SLC35F2: variants seen among roughly 807,000 people sequenced by gnomAD.
The protein encoded by SLC35F2 is queuine/queuosine transporter SLC35F2.
In SLC35F2, 25 loss-of-function variants were observed where a neutral mutation model predicts 38.1. The ratio of observed to expected loss-of-function variants is 0.66; its 90% CI spans 0.48 to 0.92. The LOEUF is 0.92. Among genes scored for constraint, SLC35F2 ranks in the 40% least tolerant of loss-of-function variants. The pLI, the probability that SLC35F2 is intolerant of heterozygous loss-of-function variation, is 0.00. For synonymous variants in SLC35F2, 173 were observed against 181.7 expected (o/e 0.95, Z 0.38); for missense variants, 409 against 452.9 (o/e 0.90, Z 0.88).
intron 1 of SLC35F2, chr11:107,840,875 G>C (rs1860004112): frequency 6.6e-6 from 1 of 152,162 alleles, no homozygotes; most frequent in South Asian, 2.1e-4. Flanking sequence ...AAGAAAACAG[G>C]AGTCTGTGAC....
chr11:107,843,216 T>C (rs990346902), intron 1 of SLC35F2, among the ~76,000 whole-genome samples: 1 of 152,140 alleles, frequency 6.6e-6, no homozygotes, highest in Non-Finnish European at 1.5e-5. Context: ...TCTAGGTACA[T>C]GTAAATTCTA....
At position 107,803,168 on chromosome 11, in the gene SLC35F2, A is replaced by C. The variant is rs749158358; in HGVS notation, c.785-13T>G. 2 of 1,591,546 alleles carry C rather than the reference A, an allele frequency of 1.3e-6. No homozygotes were observed. The highest frequency in any genetic ancestry group is 2.3e-5 in the South Asian group (2 of 86,552). On this transcript the variant is annotated splice_polypyrimidine_tract_variant and intron_variant, in intron 6 of 7. Transcript: ENST00000525815. ...ACGAACAGCAGGGCTGTGGAAAAAA[A>C]CATGGAATATCTAATATTAGGGCAA... is the stretch of plus-strand genomic sequence containing the variant.
intron 1 of SLC35F2, among the ~76,000 whole-genome samples, chr11:107,832,545 G>T (rs991152862): frequency 2.6e-5 from 4 of 152,234 alleles, no homozygotes; most frequent in Non-Finnish European, 5.9e-5. Flanking sequence ...GCTCATGCCT[G>T]TAATCCCAGC....
chr11:107,839,723 G>T (rs1275747482), intron 1 of SLC35F2, among the ~76,000 whole-genome samples: 1 of 152,184 alleles, frequency 6.6e-6, no homozygotes, highest in African/African-American at 2.4e-5. Flanking sequence ...GTGCGATCTC[G>T]GCTCATCGCA....
intron 1 of SLC35F2, among the ~76,000 whole-genome samples, chr11:107,820,069 A>G (rs1859643504): frequency 6.6e-6 from 1 of 151,982 alleles, no homozygotes; most frequent in Non-Finnish European, 1.5e-5. Flanking sequence ...CAGCTTGGTC[A>G]ACATGGTGAA....
At chr11:107,841,565 A>C (rs1419575989) in intron 1 of SLC35F2, among the ~76,000 whole-genome samples, 1 of 151,574 alleles carries the variant, frequency 6.6e-6, no homozygotes, top group Non-Finnish European at 1.5e-5. Context: ...ACTCAAAAAA[A>C]AAAAAAAAAA....
Position 107,806,821 on chromosome 11 carries a change from T to G in SLC35F2, c.470A>C (p.His157Pro), listed in dbSNP as rs1591188222. The G allele has an allele frequency of 6.2e-7, 1 of 1,614,036 alleles. No individual in the cohort carries two copies. The highest frequency in any genetic ancestry group is 1.6e-4 in the Middle Eastern group (1 of 6,062). Residue 157 changes from histidine to proline, a missense_variant, in exon 4 of 8, where the codon CAT (histidine) becomes CCT (proline). Transcript: ENST00000525815. ...GAAGTGGATCACTCTGTATCTTGCA[T>G]GAAGAATAAACCATGACAGAGCCAT... ...VLMALSWFIL[H>P]ARYRVIHFIA...
chr11:107,792,925 CTTTCTT>C, intron 7 of SLC35F2, 125 bp from the exon 8 acceptor site: 2 of 668,252 alleles, frequency 3.0e-6, no homozygotes, highest in Admixed American at 9.7e-5. Context: ...TTCTTTCTTT[CTTTCTT>C]TTTAAGACAG....
At position 107,857,334 on chromosome 11, in the gene SLC35F2, GGA is replaced by G. The variant is rs1266949817; in HGVS notation, c.110+1322_110+1323del. On this transcript the variant is annotated intron_variant, in intron 1 of 7. Coordinates refer to ENST00000525815, the MANE Select transcript of SLC35F2 (RefSeq NM_017515.5). ...AGGAGAGAGGGAAGGAAGGAAGGAA[GGA>G]GAGAGAGGGAAGGAAGGAAGGAGAG... Among the ~76,000 whole-genome samples the G allele has an allele frequency of 6.9e-5, 10 of 143,960 alleles. No individual in the cohort carries two copies. In the South Asian group the frequency reaches 2.3e-3, roughly 33 times the overall value. 94.4% of individuals were successfully genotyped at this position (143,960 alleles called of 152,430 possible).
intron 1 of SLC35F2, among the ~76,000 whole-genome samples, chr11:107,837,159 A>G (rs1332813472): frequency 6.6e-6 from 1 of 152,228 alleles, no homozygotes; most frequent in Non-Finnish European, 1.5e-5. Context: ...TGAAGAACAC[A>G]GGGGACACAT....
chr11:107,854,570 C>A (rs1477509249), intron 1 of SLC35F2, among the ~76,000 whole-genome samples: 1 of 152,120 alleles, frequency 6.6e-6, no homozygotes, highest in East Asian at 1.9e-4. Flanking sequence ...ATTACACACT[C>A]CACTAAGGAA....
At chr11:107,793,202 G>C (rs1181916023) in intron 7 of SLC35F2, among the ~76,000 whole-genome samples, 1 of 152,220 alleles carries the variant, frequency 6.6e-6, no homozygotes, top group Non-Finnish European at 1.5e-5. Flanking sequence ...ACAGGCGTGG[G>C]CCGCCATGCC....
chr11:107,806,878 T>C lies in SLC35F2; in HGVS notation c.415-2A>G, dbSNP rs1220963486. 1 of 1,612,488 alleles carries C rather than the reference T, an allele frequency of 6.2e-7. No homozygotes were observed. Among genetic ancestry groups the C allele is most frequent in the Admixed American group, 1.7e-5 (1 of 59,850 alleles). ...AGGAATCCCAAAGCAATCCAAAAGC[T>C]GCATGGAAAGAGAATCAACAGTTTA... On this transcript the variant is annotated splice_acceptor_variant, in intron 3 of 7. Transcript: ENST00000525815. LOFTEE classifies it high-confidence loss of function.
At chr11:107,819,324 A>C (rs1257716611) in intron 1 of SLC35F2, among the ~76,000 whole-genome samples, 1 of 152,038 alleles carries the variant, frequency 6.6e-6, no homozygotes, top group Non-Finnish European at 1.5e-5. Context: ...AGGAATCTCC[A>C]CTCTCCAAAG....
intron 3 of SLC35F2, chr11:107,811,275 GTTTC>G (rs1859475023): frequency 1.0e-6 from 1 of 984,368 alleles, no homozygotes; most frequent in African/African-American, 1.7e-5. Flanking sequence ...TCTTCCAATG[GTTTC>G]TTTGTCATGA....
At chr11:107,805,132 AGCAACAC>A in intron 5 of SLC35F2, 1 of 985,464 alleles carries the variant, frequency 1.0e-6, no homozygotes, top group Non-Finnish European at 1.2e-6. Flanking sequence ...AGGAATCCTA[AGCAACAC>A]ACATGTTTAA....
chr11:107,813,103 A>G (rs898726816), intron 2 of SLC35F2, among the ~76,000 whole-genome samples: 4 of 152,230 alleles, frequency 2.6e-5, no homozygotes, highest in Non-Finnish European at 5.9e-5. Context: ...AGTGAGAATC[A>G]TAACCAAATA....
chr11:107,793,798 G>T (rs1045599382), intron 7 of SLC35F2, among the ~76,000 whole-genome samples: 1 of 152,110 alleles, frequency 6.6e-6, no homozygotes, highest in Non-Finnish European at 1.5e-5. Context: ...TACACTCTCT[G>T]TTCCCAGAAG....
intron 1 of SLC35F2, among the ~76,000 whole-genome samples, chr11:107,856,871 G>A (rs1436725373): frequency 1.6e-5 from 2 of 123,656 alleles, no homozygotes; most frequent in Non-Finnish European, 3.3e-5. Flanking sequence ...AGGAAGGAAG[G>A]CAGGAAGGAA....
Sources: gnomAD v4.1 joint callset for allele counts (sites outside exome capture counted in the v4.1 genomes callset) on GRCh38, gnomAD v4.1.1 for gene constraint, MANE v1.5 for transcripts, NCBI Gene and HGNC (gene_info 2026-07-23, HGNC 2026-07-21) for gene names.